The following F13A1 variants were observed in gnomAD, a reference collection of about 807,000 sequenced individuals.
The protein encoded by F13A1 is coagulation factor XIII A chain.
A neutral mutation model predicts 80.1 loss-of-function variants in F13A1; 47 were observed. That is an observed-to-expected ratio of 0.59 (90% confidence interval 0.46 to 0.75). The LOEUF (loss-of-function observed/expected upper bound fraction) is 0.75. Ranked by LOEUF, F13A1 falls within the 30% of genes least tolerant of loss-of-function variation. The probability of loss-of-function intolerance (pLI) is 0.00; values close to 1 mark genes in which losing one functional copy is unlikely to be tolerated. For synonymous variants in F13A1, 349 were observed against 344.9 expected, an observed-to-expected ratio of 1.01 and a Z score of -0.13; for missense variants, 817 against 930.4, an observed-to-expected ratio of 0.88 and a Z score of 1.59.
intron 8 of F13A1, among the ~76,000 whole-genome samples, chr6:6,202,413 T>C (rs1331417149): frequency 6.6e-6 from 1 of 152,232 alleles, no homozygotes; most frequent in Non-Finnish European, 1.5e-5. Flanking sequence ...TCTCCAGCAC[T>C]AGAGCAGGGC....
chr6:6,156,113 A>G (rs1760473874), intron 13 of F13A1, among the ~76,000 whole-genome samples: 1 of 152,170 alleles, frequency 6.6e-6, no homozygotes, highest in Non-Finnish European at 1.5e-5. Flanking sequence ...TTTTGCATAT[A>G]CTTGATGGCC....
chr6:6,243,891 G>A lies in F13A1; in HGVS notation c.798+4421C>T, dbSNP rs1613671. Among the ~76,000 whole-genome samples, 59,739 of 152,068 alleles carry A rather than the reference G, an allele frequency of 0.39. 12,333 individuals carry two copies. The highest frequency in any genetic ancestry group is 0.47 in the Non-Finnish European group (32,091 of 67,956). On this transcript the variant is annotated intron_variant, in intron 6 of 14. Transcript: ENST00000264870. The surrounding 1 kb of genome is among the most constrained non-coding windows in gnomAD (Gnocchi z 4.2). The stretch of plus-strand genomic sequence containing the variant: ...GAATAACGAGCCTTTATCTGCAGTA[G>A]CGGCAGCCTTTGCAGAAGCAGCTGC...
At chr6:6,200,991 G>A (rs908822569) in intron 8 of F13A1, among the ~76,000 whole-genome samples, 2 of 152,090 alleles carry the variant, frequency 1.3e-5, no homozygotes, top group African/African-American at 4.8e-5. Flanking sequence ...CAGGCAGAAG[G>A]ACCCAGGGAA....
At position 6,218,100 on chromosome 6, in the gene F13A1, A is replaced by G. The variant is rs77090034; in HGVS notation, c.1112+3933T>C. 9.3e-3 allele frequency among the ~76,000 whole-genome samples: 1,413 copies of G among 152,290 alleles called. 15 individuals are homozygous for G. The highest frequency in any genetic ancestry group is 0.04 in the South Asian group (195 of 4,830). On this transcript the variant is annotated intron_variant, in intron 8 of 14. Transcript: ENST00000264870. ...ACCAACCCTCACCCAGAATCATCCT[A>G]TCAGACCACACTCTCTCCAGCAAAA...
At chr6:6,260,704 A>G (rs1032232013) in intron 4 of F13A1, among the ~76,000 whole-genome samples, 1 of 152,136 alleles carries the variant, frequency 6.6e-6, no homozygotes, top group Non-Finnish European at 1.5e-5. Flanking sequence ...CACTTCATTT[A>G]AAAAAATGGT....
rs781605622 is a variant in F13A1 at position 6,266,826 on chromosome 6, G to A, written c.320-17C>T. The A allele has an allele frequency of 6.2e-7, 1 of 1,614,062 alleles. No homozygotes were observed. The highest frequency in any genetic ancestry group is 8.5e-7 in the Non-Finnish European group (1 of 1,179,978). ...GGTAGCGACCTATGAGAAGAGAGAAGAAATACTCTGTTAGGTTGATTTCAC... is the reference window on the plus strand; with the variant it reads ...GGTAGCGACCTATGAGAAGAGAGAAAAAATACTCTGTTAGGTTGATTTCAC... On this transcript the variant is annotated splice_polypyrimidine_tract_variant and intron_variant, in intron 3 of 14. Coordinates refer to ENST00000264870, the MANE Select transcript of F13A1 (RefSeq NM_000129.4).
intron 6 of F13A1, among the ~76,000 whole-genome samples, chr6:6,238,362 T>C (rs13217372): frequency 0.13 from 19,520 of 152,122 alleles, 1,667 homozygotes; most frequent in Middle Eastern, 0.2. Flanking sequence ...TAACTCAAGA[T>C]GGATCATAGA....
At chr6:6,200,793 A>G (rs1761378871) in intron 8 of F13A1, among the ~76,000 whole-genome samples, 1 of 152,174 alleles carries the variant, frequency 6.6e-6, no homozygotes, top group African/African-American at 2.4e-5. Context: ...GAAGCAAGGC[A>G]GGGTCTGCAG....
intron 3 of F13A1, among the ~76,000 whole-genome samples, chr6:6,299,459 T>G (rs1355212832): frequency 3.1e-5 from 4 of 129,704 alleles, no homozygotes; most frequent in Non-Finnish European, 6.1e-5. Context: ...TTTTTATTCT[T>G]TTTTCTCTAA....
chr6:6,283,903 A>T (rs186384438), intron 3 of F13A1, among the ~76,000 whole-genome samples: 1 of 152,218 alleles, frequency 6.6e-6, no homozygotes, highest in South Asian at 2.1e-4. Flanking sequence ...TGAGGAGCAG[A>T]ACAGCAGTGA....
intron 14 of F13A1, among the ~76,000 whole-genome samples, chr6:6,147,848 A>G (rs755421477): frequency 2.1e-4 from 32 of 152,350 alleles, no homozygotes; most frequent in Non-Finnish European, 2.9e-4. Context: ...CAGAGAAAAA[A>G]GTATTTTGAT....
chr6:6,265,547 G>A (rs1273999229), intron 4 of F13A1, among the ~76,000 whole-genome samples: 1 of 152,128 alleles, frequency 6.6e-6, no homozygotes, highest in Admixed American at 6.5e-5. Context: ...AATTGATAGA[G>A]AAATCATTGA....
intron 3 of F13A1, among the ~76,000 whole-genome samples, chr6:6,280,330 T>G (rs1758043250): frequency 6.6e-6 from 1 of 152,172 alleles, no homozygotes; most frequent in African/African-American, 2.4e-5. Flanking sequence ...TAATGCCACA[T>G]GAGAATAACA....
chr6:6,211,921 A>T (rs907025530), intron 8 of F13A1, among the ~76,000 whole-genome samples: 32 of 152,164 alleles, frequency 2.1e-4, no homozygotes, highest in Non-Finnish European at 3.2e-4. Context: ...GGTGACAGAC[A>T]GCACCTGGAA....
chr6:6,173,409 CTTT>C (rs4053226), intron 12 of F13A1, among the ~76,000 whole-genome samples: 1 of 78,094 alleles, frequency 1.3e-5, no homozygotes. Context: ...CCATTCTTTT[CTTT>C]TTTTTTTTTT....
At chr6:6,194,463 T>C (rs1214771684) in intron 10 of F13A1, among the ~76,000 whole-genome samples, 2 of 152,186 alleles carry the variant, frequency 1.3e-5, no homozygotes, top group East Asian at 3.8e-4. Context: ...CTCCTTCCCA[T>C]GTGGTCCCAC....
At chr6:6,198,103 T>A in intron 8 of F13A1, among the ~76,000 whole-genome samples, 1 of 152,264 alleles carries the variant, frequency 6.6e-6, no homozygotes, top group Admixed American at 6.5e-5. Flanking sequence ...AGACTATTAC[T>A]GTAGAAACTA....
At chr6:6,205,201 T>C (rs1294000898) in intron 8 of F13A1, among the ~76,000 whole-genome samples, 2 of 152,234 alleles carry the variant, frequency 1.3e-5, no homozygotes, top group African/African-American at 4.8e-5. Context: ...AGAAGTCACG[T>C]GTAAATACAG....
At chr6:6,316,067 ATG>A (rs1204457999) in intron 2 of F13A1, among the ~76,000 whole-genome samples, 2 of 86,664 alleles carry the variant, frequency 2.3e-5, no homozygotes, top group Non-Finnish European at 4.7e-5. Flanking sequence ...GTGTGCTGCT[ATG>A]TGTGTGTGCA....
Sources: gnomAD v4.1 joint callset for allele counts (sites outside exome capture counted in the v4.1 genomes callset) on GRCh38, gnomAD v4.1.1 for gene constraint, Gnocchi (gnomAD v3.1) non-coding constraint, MANE v1.5 for transcripts, NCBI Gene and HGNC (gene_info 2026-07-23, HGNC 2026-07-21) for gene names.